ADGRB3: variants seen among roughly 807,000 people sequenced by gnomAD.
ADGRB3 encodes the protein brain-specific angiogenesis inhibitor 3.
Under a neutral mutation model 193.4 loss-of-function variants are expected in ADGRB3, and 37 were observed. The ratio of observed to expected loss-of-function variants is 0.19; its 90% CI spans 0.15 to 0.25. The LOEUF is 0.25. Among genes scored for constraint, ADGRB3 ranks in the 10% least tolerant of loss-of-function variants. ADGRB3 has a pLI of 1.00. For synonymous variants in ADGRB3, 690 were observed against 644.2 expected, an observed-to-expected ratio of 1.07 and a Z score of -1.08; for missense variants, 1,637 against 1,852.9, an observed-to-expected ratio of 0.88 and a Z score of 2.14.
chr6:69,378,125 G>A (rs567105012), intron 30 of ADGRB3, among the ~76,000 whole-genome samples: 63 of 152,066 alleles, frequency 4.1e-4, no homozygotes, highest in African/African-American at 1.5e-3. Flanking sequence ...ATATACAGAC[G>A]AATAAGCAAT....
chr6:68,915,173 AT>A (rs1241978140), intron 3 of ADGRB3, among the ~76,000 whole-genome samples: 2 of 151,996 alleles, frequency 1.3e-5, no homozygotes, highest in South Asian at 2.1e-4. Flanking sequence ...ATTTGACGCA[AT>A]TTTTTTTGAG....
chr6:69,024,631 A>G (rs1220178251), intron 13 of ADGRB3, among the ~76,000 whole-genome samples: 1 of 152,232 alleles, frequency 6.6e-6, no homozygotes, highest in Non-Finnish European at 1.5e-5. Context: ...GTTGTTAGGA[A>G]TTTCAAAAGT....
intron 3 of ADGRB3, among the ~76,000 whole-genome samples, chr6:68,660,180 G>A (rs1478080991): frequency 6.6e-6 from 1 of 150,444 alleles, no homozygotes; most frequent in Non-Finnish European, 1.5e-5. Context: ...GAGTTGACTA[G>A]ATAAAGACTA....
intron 11 of ADGRB3, among the ~76,000 whole-genome samples, chr6:69,012,105 T>C (rs1202139747): frequency 6.6e-6 from 1 of 152,142 alleles, no homozygotes; most frequent in Non-Finnish European, 1.5e-5. Flanking sequence ...TCTGAATTTA[T>C]TGTCTTCATC....
chr6:69,248,703 T>C (rs1281893724), intron 20 of ADGRB3, among the ~76,000 whole-genome samples: 1 of 152,242 alleles, frequency 6.6e-6, no homozygotes, highest in Non-Finnish European at 1.5e-5. Context: ...AATAAAGCAA[T>C]GGATGTGACT....
At chr6:68,867,675 T>G (rs575036751) in intron 3 of ADGRB3, among the ~76,000 whole-genome samples, 1 of 152,298 alleles carries the variant, frequency 6.6e-6, no homozygotes, top group South Asian at 2.1e-4. Context: ...AGGGAGGCTG[T>G]AGCCTGCAAA....
intron 17 of ADGRB3, among the ~76,000 whole-genome samples, chr6:69,079,650 C>T (rs760752873): frequency 1.3e-5 from 2 of 151,992 alleles, no homozygotes; most frequent in Non-Finnish European, 2.9e-5. Flanking sequence ...TTTAAAGTGG[C>T]TTACAAAGTT....
intron 3 of ADGRB3, among the ~76,000 whole-genome samples, chr6:68,860,328 C>T (rs1006514310): frequency 1.3e-5 from 2 of 151,940 alleles, no homozygotes; most frequent in African/African-American, 4.8e-5. Context: ...TCTAGTGTAC[C>T]CATCACTTGA....
intron 17 of ADGRB3, among the ~76,000 whole-genome samples, chr6:69,110,657 T>G (rs1773341371): frequency 6.6e-6 from 1 of 152,176 alleles, no homozygotes; most frequent in South Asian, 2.1e-4. Flanking sequence ...TTTTAAAAAT[T>G]AACAATAGTT....
intron 3 of ADGRB3, among the ~76,000 whole-genome samples, chr6:68,773,272 C>G (rs1025420682): frequency 2.6e-5 from 4 of 152,004 alleles, no homozygotes; most frequent in Non-Finnish European, 5.9e-5. Context: ...GTGGCAGAGC[C>G]AGGACACAAA....
At chr6:68,738,574 G>A (rs755773896) in intron 3 of ADGRB3, among the ~76,000 whole-genome samples, 1 of 152,110 alleles carries the variant, frequency 6.6e-6, no homozygotes, top group Non-Finnish European at 1.5e-5. Context: ...AATTATTTGA[G>A]TCTGGCTATG....
At chr6:68,848,139 A>C (rs1358189239) in intron 3 of ADGRB3, among the ~76,000 whole-genome samples, 1 of 152,100 alleles carries the variant, frequency 6.6e-6, no homozygotes, top group Non-Finnish European at 1.5e-5. Context: ...AAAAGGATTA[A>C]AAACTTTTAA....
At chr6:68,708,047 C>G (rs1765354347) in intron 3 of ADGRB3, among the ~76,000 whole-genome samples, 1 of 152,148 alleles carries the variant, frequency 6.6e-6, no homozygotes, top group Non-Finnish European at 1.5e-5. Context: ...CAAAGACTAT[C>G]TGGAGAATTT....
At chr6:68,703,588 T>G (rs1161347164) in intron 3 of ADGRB3, among the ~76,000 whole-genome samples, 1 of 152,076 alleles carries the variant, frequency 6.6e-6, no homozygotes, top group African/African-American at 2.4e-5. Context: ...ATACCTAAAA[T>G]ATTAAATAAA....
At chr6:68,760,257 A>C (rs1174887423) in intron 3 of ADGRB3, among the ~76,000 whole-genome samples, 1 of 152,170 alleles carries the variant, frequency 6.6e-6, no homozygotes, top group Non-Finnish European at 1.5e-5. Flanking sequence ...ACAAACACAT[A>C]CACATACACA....
chr6:68,864,702 CA>C (rs1765243660), intron 3 of ADGRB3, among the ~76,000 whole-genome samples: 1 of 152,146 alleles, frequency 6.6e-6, no homozygotes, highest in South Asian at 2.1e-4. Flanking sequence ...GTGAAAACAG[CA>C]TCTCCTTTGC....
chr6:68,936,865 C>A (rs956665872), intron 5 of ADGRB3, among the ~76,000 whole-genome samples, 185 bp downstream of exon 5: 1 of 152,318 alleles, frequency 6.6e-6, no homozygotes, highest in South Asian at 2.1e-4. Context: ...AAGCAGTCAG[C>A]AAATTAGGTA....
At chr6:69,185,237 A>G (rs1051547939) in intron 17 of ADGRB3, among the ~76,000 whole-genome samples, 1 of 152,110 alleles carries the variant, frequency 6.6e-6, no homozygotes, top group Non-Finnish European at 1.5e-5. Flanking sequence ...TCTAACTCTC[A>G]TATTGAAAAA....
chr6:68,750,296 G>A (rs904004420), intron 3 of ADGRB3, among the ~76,000 whole-genome samples: 1 of 152,138 alleles, frequency 6.6e-6, no homozygotes, highest in Admixed American at 6.6e-5. Context: ...TAAAATAACT[G>A]GGAATGTTTC....
Sources: allele counts gnomAD v4.1 joint callset (sites outside exome capture counted in the v4.1 genomes callset), GRCh38; gene constraint gnomAD v4.1.1; transcripts MANE v1.5; gene names NCBI Gene and HGNC (gene_info 2026-07-23, HGNC 2026-07-21).